COG6: variants seen among roughly 807,000 people sequenced by gnomAD.
COG6 encodes component of oligomeric golgi complex 6.
Under a neutral mutation model 88.8 loss-of-function variants are expected in COG6, and 74 were observed. The observed-to-expected ratio is 0.83, with a 90% CI of 0.69 to 1.01. COG6 has a LOEUF of 1.01. Ranked by LOEUF, COG6 falls within the 50% of genes least tolerant of loss-of-function variation. COG6 has a pLI of 0.00. For synonymous variants in COG6, 286 were observed against 278.7 expected, an observed-to-expected ratio of 1.03 and a Z score of -0.26; for missense variants, 800 against 797.9, an observed-to-expected ratio of 1.00 and a Z score of -0.03.
chr13:39,698,373 T>G (rs1240168619), intron 12 of COG6, among the ~76,000 whole-genome samples: 1 of 152,012 alleles, frequency 6.6e-6, no homozygotes, highest in East Asian at 1.9e-4. Flanking sequence ...TGGCATACAA[T>G]ATTTTTAACT....
chr13:39,788,218 G>C, intron 18 of COG6: 2 of 1,048,282 alleles, frequency 1.9e-6, no homozygotes, highest in Non-Finnish European at 2.9e-6. Flanking sequence ...TCAGTATATG[G>C]TCCTGGATGA....
At chr13:39,689,277 C>T (rs568816202) in intron 10 of COG6, among the ~76,000 whole-genome samples, 7 of 152,246 alleles carry the variant, frequency 4.6e-5, no homozygotes, top group African/African-American at 1.4e-4. Context: ...ATACCCAGTA[C>T]AGAGTTTGAT....
chr13:39,674,053 T>A (rs1020596070), intron 4 of COG6, among the ~76,000 whole-genome samples: 4 of 152,038 alleles, frequency 2.6e-5, no homozygotes, highest in Admixed American at 1.3e-4. Context: ...TATTTTTTAT[T>A]TTTATTTTTA....
chr13:39,738,526 C>T (rs1425695885), intron 18 of COG6, among the ~76,000 whole-genome samples: 2 of 152,006 alleles, frequency 1.3e-5, no homozygotes, highest in Non-Finnish European at 2.9e-5. Context: ...AAACAAGTAG[C>T]AGGAAGATAG....
chr13:39,779,624 T>C (rs542246185), intron 18 of COG6, among the ~76,000 whole-genome samples: 13 of 152,306 alleles, frequency 8.5e-5, no homozygotes, highest in African/African-American at 2.9e-4. Context: ...ATCAGAGGCA[T>C]AAATCTCAGC....
intron 18 of COG6, among the ~76,000 whole-genome samples, chr13:39,782,647 G>A (rs1881664718): frequency 6.6e-6 from 1 of 152,174 alleles, no homozygotes; most frequent in Non-Finnish European, 1.5e-5. Flanking sequence ...CCTTGAACAT[G>A]AGCACAAGCT....
At chr13:39,656,335 C>G in intron 1 of COG6, 1 of 363,332 alleles carries the variant, frequency 2.8e-6, no homozygotes, top group South Asian at 2.1e-5. Context: ...GGTGCATTTC[C>G]ACGGACAAGT....
At position 39,774,864 on chromosome 13, in the gene COG6, C is replaced by T. The variant is rs144230551; in HGVS notation, c.1827-13471C>T. Reference sequence around the variant, plus strand: ...CTGGGATTACAGGTGTGAGCCACCGCGCCTGGCTGGAAAAAAATTTCAAAG... The same window carrying T: ...CTGGGATTACAGGTGTGAGCCACCGTGCCTGGCTGGAAAAAAATTTCAAAG... On this transcript the variant is annotated intron_variant, in intron 18 of 18. Coordinates refer to the COG6 transcript ENST00000416691. Among the ~76,000 whole-genome samples the T allele has an allele frequency of 7.9e-3, 1,209 of 152,184 alleles. 47 individuals are homozygous for T. Among genetic ancestry groups the T allele is most frequent in the Admixed American group, 0.056 (860 of 15,286 alleles).
intron 13 of COG6, among the ~76,000 whole-genome samples, chr13:39,701,294 C>T (rs1283655653): frequency 6.6e-6 from 1 of 151,708 alleles, no homozygotes; most frequent in Non-Finnish European, 1.5e-5. Context: ...AAGATGGTAT[C>T]ATCTAAGTTA....
At chr13:39,699,109 T>A (rs989771239) in intron 12 of COG6, among the ~76,000 whole-genome samples, 2 of 151,808 alleles carry the variant, frequency 1.3e-5, no homozygotes, top group Non-Finnish European at 1.5e-5. Flanking sequence ...ACAATTTAAA[T>A]ATTTTATCAA....
chr13:39,780,925 G>A (rs1340017088), intron 18 of COG6, among the ~76,000 whole-genome samples: 1 of 152,136 alleles, frequency 6.6e-6, no homozygotes, highest in African/African-American at 2.4e-5. Context: ...TTGGAAAATG[G>A]CCTCAAATTA....
downstream of COG6, among the ~76,000 whole-genome samples, chr13:39,753,880 T>C (rs1880746522): frequency 6.6e-6 from 1 of 152,220 alleles, no homozygotes; most frequent in Non-Finnish European, 1.5e-5. Flanking sequence ...AGACATGCTG[T>C]CGTCTACTTC....
intron 5 of COG6, among the ~76,000 whole-genome samples, chr13:39,678,991 G>A (rs1405976135): frequency 6.6e-6 from 1 of 152,072 alleles, no homozygotes; most frequent in African/African-American, 2.4e-5. Context: ...TTTCGTGGGT[G>A]GAACACTATT....
At chr13:39,787,391 G>A (rs1376539000) in intron 18 of COG6, among the ~76,000 whole-genome samples, 3 of 152,082 alleles carry the variant, frequency 2.0e-5, no homozygotes, top group Admixed American at 1.3e-4. Flanking sequence ...CGTGTGGTGT[G>A]TGTGGTGTGT....
chr13:39,677,402 A>G (rs111747320), intron 4 of COG6, 66 bp from the exon 5 acceptor site: 1 of 878,350 alleles, frequency 1.1e-6, no homozygotes, highest in East Asian at 2.5e-5. Flanking sequence ...CTGAGATAGA[A>G]TTTGTTTTAA....
At chr13:39,689,070 TC>T (rs1472761892) in intron 10 of COG6, among the ~76,000 whole-genome samples, 1 of 152,220 alleles carries the variant, frequency 6.6e-6, no homozygotes, top group African/African-American at 2.4e-5. Context: ...AGGTTCTCTT[TC>T]TGTTATTATT....
At chr13:39,769,649 G>C (rs563435032) in intron 18 of COG6, among the ~76,000 whole-genome samples, 7 of 152,242 alleles carry the variant, frequency 4.6e-5, no homozygotes, top group Non-Finnish European at 2.9e-5. Flanking sequence ...GTCGAATACA[G>C]TACTGCTATA....
chr13:39,760,647 C>A (rs919735372), intron 18 of COG6, among the ~76,000 whole-genome samples: 1 of 152,056 alleles, frequency 6.6e-6, no homozygotes, highest in African/African-American at 2.4e-5. Context: ...TGCAAACACA[C>A]TACTATGATT....
chr13:39,713,926 A>C (rs1415639519), intron 13 of COG6, among the ~76,000 whole-genome samples: 1 of 152,212 alleles, frequency 6.6e-6, no homozygotes, highest in Non-Finnish European at 1.5e-5. Flanking sequence ...ATTTTCACTT[A>C]GCTTTAGAAG....
Sources: gnomAD v4.1 joint callset for allele counts (sites outside exome capture counted in the v4.1 genomes callset) on GRCh38, gnomAD v4.1.1 for gene constraint, MANE v1.5 for transcripts, NCBI Gene and HGNC (gene_info 2026-07-23, HGNC 2026-07-21) for gene names.